BSDC1: variants seen among roughly 807,000 people sequenced by gnomAD.
The protein encoded by BSDC1 is BSD domain containing 1, also known as BSD domain-containing protein 1.
BSDC1 carries 29 observed loss-of-function variants against 56.0 expected under a neutral mutation model. The observed-to-expected ratio is 0.52, with a 90% CI of 0.39 to 0.71. The LOEUF is 0.71. Among genes scored for constraint, BSDC1 ranks in the 30% least tolerant of loss-of-function variants. The pLI, the probability that BSDC1 is intolerant of heterozygous loss-of-function variation, is 0.00. For synonymous variants in BSDC1, 210 were observed against 215.3 expected (o/e 0.98, Z 0.21); for missense variants, 477 against 548.5 (o/e 0.87, Z 1.30).
chr1:32,393,834 G>A (rs980181065), intron 2 of BSDC1: 2 of 507,286 alleles, frequency 3.9e-6, no homozygotes, highest in African/African-American at 3.8e-5. Context: ...TCCTTCCTAT[G>A]GATTCCTACA....
intron 5 of BSDC1, among the ~76,000 whole-genome samples, chr1:32,380,428 C>T (rs1229663312): frequency 6.6e-6 from 1 of 152,132 alleles, no homozygotes; most frequent in Non-Finnish European, 1.5e-5. Flanking sequence ...GGTGGGTCAC[C>T]TGAGGTCAGG....
At chr1:32,388,558 G>A (rs542044970) in intron 2 of BSDC1, among the ~76,000 whole-genome samples, 1 of 152,202 alleles carries the variant, frequency 6.6e-6, no homozygotes, top group African/African-American at 2.4e-5. Flanking sequence ...TTGTCTGTCA[G>A]GGCAGACCGT....
intron 4 of BSDC1, among the ~76,000 whole-genome samples, chr1:32,382,899 A>C (rs1642537222): frequency 1.3e-5 from 2 of 151,376 alleles, no homozygotes; most frequent in South Asian, 4.2e-4. Context: ...AGAAGAAGAA[A>C]AGAAAATGCA....
Position 32,378,832 on chromosome 1 carries a change from CG to C in BSDC1, c.419del (p.Pro140ArgfsTer25). 7 of 1,517,332 alleles carry C rather than the reference CG, an allele frequency of 4.6e-6. No homozygotes were observed. Among genetic ancestry groups the C allele is most frequent in the Admixed American group, 2.2e-5 (1 of 45,616 alleles). 94.0% of individuals were successfully genotyped at this position (1,517,332 alleles called of 1,614,324 possible). On this transcript the variant is annotated frameshift_variant, in exon 6 of 11. Coordinates refer to ENST00000455895, the MANE Select transcript of BSDC1 (RefSeq NM_018045.8). LOFTEE classifies it high-confidence loss of function. This position sits in a 1 kb window ranked among gnomAD's most constrained non-coding sequence, Gnocchi z 5.2. ...GGGAAAGCCAGGCGTCAAACAATTC[CG>C]GGGGCCCTGCAGAGGGACAGATGCT... is the stretch of plus-strand genomic sequence containing the variant. Reference protein sequence around the residue: ...ATYCNEPDGPPELFDAWLSQF... With the variant: ...ATYCNEPDGPXELFDAWLSQF...
chr1:32,378,743 CGG>C lies in BSDC1; in HGVS notation c.507_508del (p.Ile169MetfsTer24). The C allele has an allele frequency of 6.5e-7, 1 of 1,529,572 alleles. No homozygotes were observed. Among genetic ancestry groups the C allele is most frequent in the Non-Finnish European group, 8.8e-7 (1 of 1,136,464 alleles). The allele number at this position is 1,529,572 out of a possible 1,614,324, so 94.8% of individuals were successfully genotyped here. A position where few individuals can be genotyped will look rare whatever the true frequency, so the allele number is the denominator to read the frequency against. On this transcript the variant is annotated frameshift_variant, in exon 6 of 11. Transcript: ENST00000455895. LOFTEE classifies it high-confidence loss of function. This position sits in a 1 kb window ranked among gnomAD's most constrained non-coding sequence, Gnocchi z 5.2. Reference sequence around the variant, plus strand: ...CCTCACCATCTTGGTGTAGAGGGCCCGGATGGAGGGGCTGCCTACAAGGAGCT... The same window carrying C: ...CCTCACCATCTTGGTGTAGAGGGCCCATGGAGGGGCTGCCTACAAGGAGCT...
rs757648734 is a variant in BSDC1, at chr1:32,378,018, G to A, written c.628C>T (p.Arg210Trp). Residue 210 changes from arginine to tryptophan, a missense_variant, in exon 8 of 11, where the codon CGG becomes TGG. By Grantham distance (101) the Arg-to-Trp change is moderately radical. Coordinates refer to ENST00000455895, the MANE Select transcript of BSDC1 (RefSeq NM_018045.8). This position sits in a 1 kb window ranked among gnomAD's most constrained non-coding sequence, Gnocchi z 5.2. ...EQARRDALKQRAEQSISEEPG... is the reference protein window; with the variant it reads ...EQARRDALKQWAEQSISEEPG... ...TCTTCAGAGATGCTCTGTTCCGCCC[G>A]CTGCTTCAGGGCGTCCCTCCGGGCC... is the stretch of plus-strand genomic sequence containing the variant. 1.1e-5 allele frequency: 17 copies of A among 1,612,690 alleles called. No homozygotes were observed. In the East Asian group the frequency reaches 2.0e-4, roughly 19 times the overall value.
chr1:32,389,552 A>G (rs979121), intron 2 of BSDC1, among the ~76,000 whole-genome samples: 8,506 of 152,160 alleles, frequency 0.056, 762 homozygotes, highest in African/African-American at 0.19. Context: ...GATAGTGCTG[A>G]TGTGCAAGGG....
At chr1:32,369,257 G>C (rs74064100) in intron 9 of BSDC1, 1 of 1,289,472 alleles carries the variant, frequency 7.8e-7, no homozygotes, top group South Asian at 1.2e-5. Context: ...ACTAAAGAGC[G>C]GAGAAGCACT....
chr1:32,370,706 A>C (rs1642045994), intron 9 of BSDC1, among the ~76,000 whole-genome samples: 1 of 146,754 alleles, frequency 6.8e-6, no homozygotes, highest in Non-Finnish European at 1.5e-5. Flanking sequence ...CGGGAGGCTG[A>C]GGCAGAAGAA....
intron 1 of BSDC1, 33 bp from the exon 2 acceptor site, chr1:32,394,173 G>A (rs1445128046): frequency 1.3e-6 from 2 of 1,599,204 alleles, no homozygotes; most frequent in Non-Finnish European, 8.5e-7. Context: ...GCAGCACCGC[G>A]GTGCGATTCC....
intron 4 of BSDC1, among the ~76,000 whole-genome samples, chr1:32,382,239 A>C (rs1256989561): frequency 6.6e-5 from 10 of 151,848 alleles, no homozygotes; most frequent in Non-Finnish European, 1.5e-4. Context: ...AAAAAAAAAA[A>C]AAAACAGAAG....
chr1:32,393,983 T>C (rs1642958447), intron 2 of BSDC1, 97 bp downstream of exon 2: 2 of 1,299,754 alleles, frequency 1.5e-6, no homozygotes, highest in South Asian at 2.6e-5. Context: ...TCCTTGAGAC[T>C]TAGCGCCCGC....
chr1:32,377,146 A>G (rs1224340065), intron 8 of BSDC1, among the ~76,000 whole-genome samples: 2 of 152,100 alleles, frequency 1.3e-5, no homozygotes, highest in Non-Finnish European at 2.9e-5. Flanking sequence ...AAAACGAAAA[A>G]AAAAAGACTC....
At chr1:32,371,068 T>C (rs1390406855) in intron 9 of BSDC1, among the ~76,000 whole-genome samples, 1 of 151,964 alleles carries the variant, frequency 6.6e-6, no homozygotes, top group Non-Finnish European at 1.5e-5. Context: ...ACAGGTAATA[T>C]TAAAAAGATA....
chr1:32,366,718 C>A (rs1210207101), intron 10 of BSDC1, 64 bp from the exon 11 acceptor site: 4 of 1,446,482 alleles, frequency 2.8e-6, no homozygotes. Context: ...AGGCCCAGAC[C>A]TAACCTCCAC....
chr1:32,380,607 T>C (rs1348859046), intron 5 of BSDC1, among the ~76,000 whole-genome samples: 1 of 151,982 alleles, frequency 6.6e-6, no homozygotes, highest in African/African-American at 2.4e-5. Flanking sequence ...GATCGCGCCA[T>C]TGCACTCCAT....
At chr1:32,377,119 G>C (rs1239829078) in intron 8 of BSDC1, among the ~76,000 whole-genome samples, 2 of 152,072 alleles carry the variant, frequency 1.3e-5, no homozygotes, top group Non-Finnish European at 1.5e-5. Context: ...CTGGATGACA[G>C]AGTGAGACTC....
intron 2 of BSDC1, among the ~76,000 whole-genome samples, chr1:32,393,362 CCTA>C (rs1224913179): frequency 6.6e-6 from 1 of 152,192 alleles, no homozygotes; most frequent in Non-Finnish European, 1.5e-5. Flanking sequence ...TTGCATAGCC[CCTA>C]CTTAGAACTC....
Position 32,368,023 on chromosome 1 carries a change from T to C in BSDC1, c.1260+424A>G, listed in dbSNP as rs977967803. The C allele has an allele frequency of 3.4e-6, 4 of 1,185,696 alleles. No individual in the cohort carries two copies. The African/African-American group carries it at 6.3e-5, about 19-fold the overall frequency. 73.4% of individuals were successfully genotyped at this position (1,185,696 alleles called of 1,614,324 possible). Reference sequence around the variant, plus strand: ...GTCAGGCAGGGTTTGATGTCTGTTTTCTTTTTTCCTTTTTTTTTTTTTTTC... The same window carrying C: ...GTCAGGCAGGGTTTGATGTCTGTTTCCTTTTTTCCTTTTTTTTTTTTTTTC... On this transcript the variant is annotated intron_variant, in intron 10 of 10. Transcript: ENST00000455895.
Sources: gnomAD v4.1 joint callset for allele counts (sites outside exome capture counted in the v4.1 genomes callset) on GRCh38, gnomAD v4.1.1 for gene constraint, Gnocchi (gnomAD v3.1) non-coding constraint, MANE v1.5 for transcripts, NCBI Gene and HGNC (gene_info 2026-07-23, HGNC 2026-07-21) for gene names.